The following CBFB variants were observed in gnomAD, a reference collection of about 807,000 sequenced individuals.
CBFB encodes CBF-beta.
CBFB carries 9 observed loss-of-function variants against 30.4 expected under a neutral mutation model. The observed-to-expected ratio is 0.30, with a 90% CI of 0.18 to 0.52. The LOEUF (loss-of-function observed/expected upper bound fraction) is 0.52, where lower values mean the gene tolerates loss of function less well. Ranked by LOEUF, CBFB falls within the 20% of genes least tolerant of loss-of-function variation. The pLI is 0.97. For synonymous variants in CBFB, 94 were observed against 84.0 expected (o/e 1.12, Z -0.65); for missense variants, 170 against 244.0 (o/e 0.70, Z 2.02).
chr16:67,087,053 G>A (rs1961752306), intron 5 of CBFB, among the ~76,000 whole-genome samples: 2 of 152,122 alleles, frequency 1.3e-5, no homozygotes, highest in South Asian at 4.1e-4. Context: ...GAGTAAGGAG[G>A]AGTAAGAGAG....
Position 67,083,001 on chromosome 16 carries a change from C to T in CBFB, c.495+693C>T, listed in dbSNP as rs554161340. 3.3e-5 allele frequency among the ~76,000 whole-genome samples: 5 copies of T among 152,234 alleles called. No individual in the cohort carries two copies. In the East Asian group the frequency reaches 7.7e-4, roughly 24 times the overall value. On this transcript the variant is annotated intron_variant, in intron 5 of 5. Coordinates refer to ENST00000412916, the MANE Select transcript of CBFB (RefSeq NM_022845.3). Reference sequence around the variant, plus strand: ...CAAAAAATAAAACTTTGAGCCTGAGCAACTCTGTCTCTACAAAAAGTAAGA... The same window carrying T: ...CAAAAAATAAAACTTTGAGCCTGAGTAACTCTGTCTCTACAAAAAGTAAGA...
At chr16:67,043,453 A>C (rs987503497) in intron 3 of CBFB, among the ~76,000 whole-genome samples, 16 of 152,238 alleles carry the variant, frequency 1.1e-4, no homozygotes, top group Admixed American at 1.0e-3. Context: ...CGGGTGACTG[A>C]TTATAAGTAT....
chr16:67,044,053 T>G (rs1966580117), intron 3 of CBFB, among the ~76,000 whole-genome samples: 1 of 152,204 alleles, frequency 6.6e-6, no homozygotes, highest in South Asian at 2.1e-4. Flanking sequence ...TCCAGTTCCT[T>G]TGATCTTTCC....
chr16:67,045,945 G>A (rs1428524372), intron 3 of CBFB, among the ~76,000 whole-genome samples: 2 of 151,466 alleles, frequency 1.3e-5, no homozygotes, highest in East Asian at 3.9e-4. Context: ...ACAGGCACCC[G>A]CCACCACACC....
intron 2 of CBFB, among the ~76,000 whole-genome samples, chr16:67,034,073 C>G (rs1966402967): frequency 6.6e-6 from 1 of 152,080 alleles, no homozygotes; most frequent in Non-Finnish European, 1.5e-5. Context: ...CGTGATCTGC[C>G]TGTGTTGGCC....
chr16:67,051,141 TTTAAG>T (rs553854265), intron 3 of CBFB, among the ~76,000 whole-genome samples: 247 of 152,324 alleles, frequency 1.6e-3, no homozygotes, highest in African/African-American at 4.3e-3. Flanking sequence ...TAGGAATTCT[TTTAAG>T]TTATTTTTCA....
chr16:67,078,594 G>A (rs765843550), intron 4 of CBFB, among the ~76,000 whole-genome samples: 7 of 152,244 alleles, frequency 4.6e-5, no homozygotes, highest in Middle Eastern at 6.8e-3. Flanking sequence ...GAACAAGAAA[G>A]TGAAGGCTAC....
chr16:67,073,685 T>C (rs1392392337), intron 4 of CBFB, among the ~76,000 whole-genome samples: 36 of 152,014 alleles, frequency 2.4e-4, no homozygotes, highest in Non-Finnish European at 1.5e-5. Flanking sequence ...GAGGTTGCGG[T>C]GAGCCGAGAT....
intron 3 of CBFB, among the ~76,000 whole-genome samples, chr16:67,043,069 C>G (rs75032492): frequency 0.03 from 4,613 of 152,258 alleles, 80 homozygotes; most frequent in Admixed American, 0.034. Flanking sequence ...CTTCAAGTCA[C>G]TTTCATACCT....
intron 3 of CBFB, among the ~76,000 whole-genome samples, chr16:67,057,313 A>G (rs1047546123): frequency 2.2e-4 from 34 of 152,208 alleles, no homozygotes; most frequent in Non-Finnish European, 4.7e-4. Flanking sequence ...TCAGTGTTCA[A>G]TTTGGAAGTT....
chr16:67,078,201 T>A (rs1961459925), intron 4 of CBFB, among the ~76,000 whole-genome samples: 1 of 152,206 alleles, frequency 6.6e-6, no homozygotes, highest in Admixed American at 6.5e-5. Flanking sequence ...ATTTTACCAT[T>A]TGTTAAAGTG....
intron 3 of CBFB, among the ~76,000 whole-genome samples, chr16:67,051,943 A>G (rs1038574755): frequency 1.3e-5 from 2 of 148,930 alleles, no homozygotes; most frequent in South Asian, 2.1e-4. Flanking sequence ...ACACACACAC[A>G]CGCATACATA....
intron 5 of CBFB, among the ~76,000 whole-genome samples, chr16:67,095,237 G>T (rs892125149): frequency 5.6e-5 from 5 of 89,046 alleles, no homozygotes; most frequent in Admixed American, 1.0e-4. Context: ...AAAAAAAAAA[G>T]GCTGGGCACG....
In CBFB at chr16:67,061,887, C is replaced by T. The variant is rs1597141310; in HGVS notation, c.283-4795C>T. On this transcript the variant is annotated intron_variant, in intron 3 of 5. Transcript: ENST00000412916. Reference sequence around the variant, plus strand: ...TCTCTACTGAAAATACAAAAATTAGCGGTGTGTGGTGGTAGGTGCCTGTAC... The same window carrying T: ...TCTCTACTGAAAATACAAAAATTAGTGGTGTGTGGTGGTAGGTGCCTGTAC... 4.0e-5 allele frequency among the ~76,000 whole-genome samples: 6 copies of T among 151,880 alleles called. No individual in the cohort carries two copies. The South Asian group carries it at 6.2e-4, about 16-fold the overall frequency.
chr16:67,031,092 T>G (rs1193092471), intron 2 of CBFB, among the ~76,000 whole-genome samples: 1 of 152,246 alleles, frequency 6.6e-6, no homozygotes, highest in Non-Finnish European at 1.5e-5. Flanking sequence ...ATAATTCATA[T>G]GTCATAAAAT....
chr16:67,047,849 G>A (rs973999305), intron 3 of CBFB, among the ~76,000 whole-genome samples: 2 of 151,962 alleles, frequency 1.3e-5, no homozygotes, highest in African/African-American at 4.8e-5. Flanking sequence ...CGGGTGGATC[G>A]CCTGGGGTTA....
At chr16:67,071,749 C>T (rs144176336) in intron 4 of CBFB, among the ~76,000 whole-genome samples, 6 of 152,282 alleles carry the variant, frequency 3.9e-5, no homozygotes, top group African/African-American at 1.4e-4. Flanking sequence ...AGGGCTGTGC[C>T]TAGCACAGTA....
chr16:67,050,422 C>T (rs1966719437), intron 3 of CBFB, among the ~76,000 whole-genome samples: 1 of 151,486 alleles, frequency 6.6e-6, no homozygotes, highest in Non-Finnish European at 1.5e-5. Flanking sequence ...TTTTCCTATA[C>T]AGATATACAT....
chr16:67,049,227 GAC>G (rs1273622599), intron 3 of CBFB, among the ~76,000 whole-genome samples: 1 of 151,754 alleles, frequency 6.6e-6, no homozygotes, highest in Non-Finnish European at 1.5e-5. Context: ...CTTATTTTGA[GAC>G]AGAGTCTCTT....
Sources: gnomAD v4.1 joint callset for allele counts (sites outside exome capture counted in the v4.1 genomes callset) on GRCh38, gnomAD v4.1.1 for gene constraint, MANE v1.5 for transcripts, NCBI Gene and HGNC (gene_info 2026-07-23, HGNC 2026-07-21) for gene names.